Variants in ACSL6 observed in about 807,000 individuals in gnomAD.
ACSL6 encodes the protein long-chain-fatty-acid--CoA ligase 6.
A neutral mutation model predicts 98.2 loss-of-function variants in ACSL6; 47 were observed. The ratio of observed to expected loss-of-function variants is 0.48; its 90% CI spans 0.38 to 0.61. The LOEUF (loss-of-function observed/expected upper bound fraction) is 0.61, where lower values mean the gene tolerates loss of function less well. ACSL6 is among the 20% of genes least tolerant of loss of function. ACSL6 has a pLI of 0.00. For missense variants in ACSL6, 761 were observed against 913.4 expected (o/e 0.83, Z 2.15); for synonymous variants, 362 against 336.9 (o/e 1.07, Z -0.82).
At chr5:132,011,832 A>G, upstream of ACSL6, 1 of 1,495,890 alleles carries the variant, frequency 6.7e-7, no homozygotes, top group Non-Finnish European at 8.9e-7. The surrounding 1 kb of genome is among the most constrained non-coding windows in gnomAD (Gnocchi z 5.4). Context: ...GCGGTGTCGG[A>G]ACCGCCAAGC....
At chr5:132,002,389 G>A (rs181492457) in intron 1 of ACSL6, among the ~76,000 whole-genome samples, 28 of 152,334 alleles carry the variant, frequency 1.8e-4, no homozygotes, top group East Asian at 5.8e-4. Context: ...TGCTCATGGC[G>A]AGGCCATGCA....
rs749899844 is a variant in ACSL6, at chr5:131,966,523, T to G, written c.1606A>C (p.Arg536=). 1.2e-6 allele frequency: 2 copies of G among 1,614,062 alleles called. No homozygotes were observed. The highest frequency in any genetic ancestry group is 3.3e-5 in the Admixed American group (2 of 60,030). The change falls in exon 17 of 21, where the codon AGA becomes CGA. Residue 536 remains arginine (R), a synonymous_variant. Transcript: ENST00000651883. ...TAGCCTTTGAACACATTTGGTCCTC[T>G]CACACATATCTATGGGACAAAAACC... ...ACKGEGEICV[R]GPNVFKGYLK...
At chr5:131,988,415 G>A in intron 6 of ACSL6, 189 bp from the exon 7 acceptor site, 1 of 1,309,342 alleles carries the variant, frequency 7.6e-7, no homozygotes, top group Non-Finnish European at 1.1e-6. Context: ...GGAACCAAGG[G>A]CAGAAGGCCA....
chr5:131,965,630 G>A (rs1752976936), intron 17 of ACSL6, among the ~76,000 whole-genome samples: 1 of 152,164 alleles, frequency 6.6e-6, no homozygotes, highest in Non-Finnish European at 1.5e-5. Context: ...CCTGAGGCAG[G>A]AGAATCGCTT....
chr5:131,995,456 C>G (rs1374564522), intron 1 of ACSL6, among the ~76,000 whole-genome samples: 1 of 152,158 alleles, frequency 6.6e-6, no homozygotes, highest in Non-Finnish European at 1.5e-5. Flanking sequence ...GGTCTGCCAG[C>G]CCAGTGATGG....
At chr5:131,966,357 G>A (rs989065387) in intron 17 of ACSL6, 59 bp downstream of exon 17, 79 of 1,544,562 alleles carry the variant, frequency 5.1e-5, no homozygotes, top group African/African-American at 2.5e-4. Flanking sequence ...TCAGTGACCC[G>A]GACCACACAC....
chr5:131,963,405 C>A (rs1287624653), intron 17 of ACSL6, among the ~76,000 whole-genome samples: 1 of 152,218 alleles, frequency 6.6e-6, no homozygotes, highest in Non-Finnish European at 1.5e-5. Context: ...GAGTAACCAC[C>A]GTTTTCTCTT....
intron 2 of ACSL6, among the ~76,000 whole-genome samples, chr5:131,991,595 A>G (rs1164596002): frequency 2.6e-5 from 4 of 152,092 alleles, no homozygotes; most frequent in Non-Finnish European, 4.4e-5. Context: ...CCTGGGCCCA[A>G]AGTGGCACGG....
At chr5:131,973,153 G>T in intron 12 of ACSL6, 113 bp downstream of exon 12, 1 of 1,392,268 alleles carries the variant, frequency 7.2e-7, no homozygotes, top group Non-Finnish European at 9.8e-7. Flanking sequence ...GAGGAGGCAA[G>T]TTCCAGGACT....
At chr5:131,959,857 C>T (rs1413875066) in intron 19 of ACSL6, 1 of 517,482 alleles carries the variant, frequency 1.9e-6, no homozygotes, top group East Asian at 3.4e-5. Flanking sequence ...TTTTTTAAAG[C>T]AGGCTTTTGG....
intron 1 of ACSL6, among the ~76,000 whole-genome samples, chr5:132,007,249 C>T (rs566931604): frequency 4.1e-4 from 62 of 152,302 alleles, no homozygotes; most frequent in Non-Finnish European, 7.5e-4. Flanking sequence ...AAAGCCAATG[C>T]TGTTTGGCCT....
At chr5:131,979,696 T>C (rs182632195) in intron 9 of ACSL6, among the ~76,000 whole-genome samples, 1 of 152,360 alleles carries the variant, frequency 6.6e-6, no homozygotes, top group East Asian at 1.9e-4. Context: ...GAAGTGAATG[T>C]TGGCAACAAA....
chr5:132,006,151 G>A (rs913892068), intron 1 of ACSL6, among the ~76,000 whole-genome samples: 2 of 152,212 alleles, frequency 1.3e-5, no homozygotes, highest in Non-Finnish European at 2.9e-5. Context: ...GCAGGGAGAG[G>A]AAGGGTATCT....
chr5:131,981,306 C>G (rs1227321243), intron 9 of ACSL6, among the ~76,000 whole-genome samples: 4 of 146,960 alleles, frequency 2.7e-5, no homozygotes, highest in African/African-American at 1.0e-4. Context: ...CCTGCCATAC[C>G]TTCATAGTCA....
In ACSL6 at chr5:131,974,671, C is replaced by G. The variant is rs1365033100; in HGVS notation, c.1068+222G>C. 2.4e-5 allele frequency: 35 copies of G among 1,476,854 alleles called. 1 individual carries two copies. In the East Asian group the frequency reaches 8.0e-4, roughly 34 times the overall value. The allele number at this position is 1,476,854 out of a possible 1,614,324, so 91.5% of individuals were successfully genotyped here. ...CTTCTGAGGACAGGGCAGTTTGGTC[C>G]TACTTCATGCCACCAGTGACAAGTG... On this transcript the variant is annotated intron_variant, in intron 11 of 20. Coordinates refer to ENST00000651883, the MANE Select transcript of ACSL6 (RefSeq NM_001009185.3).
At chr5:132,001,024 G>A (rs962872965) in intron 1 of ACSL6, among the ~76,000 whole-genome samples, 10 of 151,892 alleles carry the variant, frequency 6.6e-5, no homozygotes, top group African/African-American at 1.9e-4. Context: ...AACCCACCCC[G>A]ATTAAAATGA....
At chr5:131,994,404 C>T (rs754096005) in intron 1 of ACSL6, 153 bp from the exon 2 acceptor site, 33 of 645,392 alleles carry the variant, frequency 5.1e-5, no homozygotes, top group Non-Finnish European at 8.0e-5. Context: ...AGCTGGCTAC[C>T]TAGAAGGGCT....
chr5:131,959,518 G>A lies in ACSL6; in HGVS notation c.2031+18C>T, dbSNP rs1403227938. On this transcript the variant is annotated intron_variant, in intron 20 of 20. Transcript: ENST00000651883. Reference sequence around the variant, plus strand: ...CTGCCTGAAGGGTTGTAACGAGTATGGGGAAGGTAACAGTTACCTGCTCAA... The same window carrying A: ...CTGCCTGAAGGGTTGTAACGAGTATAGGGAAGGTAACAGTTACCTGCTCAA... 1 of 1,611,986 alleles carries A rather than the reference G, an allele frequency of 6.2e-7. No homozygotes were observed. Among genetic ancestry groups the A allele is most frequent in the Admixed American group, 1.7e-5 (1 of 59,998 alleles).
Position 132,011,412 on chromosome 5 carries a change from GC to G in ACSL6, c.49+92del, listed in dbSNP as rs771650911. 5 of 1,379,676 alleles carry G rather than the reference GC, an allele frequency of 3.6e-6. No individual in the cohort carries two copies. Among genetic ancestry groups the G allele is most frequent in the Non-Finnish European group, 5.1e-6 (5 of 977,388 alleles). 85.5% of individuals were successfully genotyped at this position (1,379,676 alleles called of 1,614,324 possible). ...CTCAGCAGCAGGGGATGGGGGCTCG[GC>G]GGCCGCGGAGATGTAACACCTCCAC... On this transcript the variant is annotated intron_variant, in intron 1 of 20. Coordinates refer to ENST00000651883, the MANE Select transcript of ACSL6 (RefSeq NM_001009185.3). The surrounding 1 kb of genome is among the most constrained non-coding windows in gnomAD (Gnocchi z 5.4).
Sources: allele counts gnomAD v4.1 joint callset (sites outside exome capture counted in the v4.1 genomes callset), GRCh38; gene constraint gnomAD v4.1.1; non-coding constraint Gnocchi (gnomAD v3.1); transcripts MANE v1.5; gene names NCBI Gene and HGNC (gene_info 2026-07-23, HGNC 2026-07-21).